The following STS variants were observed in gnomAD, a reference collection of about 807,000 sequenced individuals.
The protein encoded by STS is steryl-sulfatase.
Under a neutral mutation model 26.8 loss-of-function variants are expected in STS, and 7 were observed. The ratio of observed to expected loss-of-function variants is 0.26; its 90% CI spans 0.15 to 0.49. STS has a LOEUF of 0.49. Among genes scored for constraint, STS ranks in the 20% least tolerant of loss-of-function variants. STS has a pLI of 0.98. For missense variants in STS, 434 were observed against 465.6 expected, an observed-to-expected ratio of 0.93 and a Z score of 0.63; for synonymous variants, 199 against 189.4, an observed-to-expected ratio of 1.05 and a Z score of -0.42.
chrX:7,225,347 A>G (rs1221375377), intron 2 of STS, among the ~76,000 whole-genome samples: 5 of 111,470 alleles, frequency 4.5e-5, no homozygotes, highest in Non-Finnish European at 9.4e-5. Flanking sequence ...GCTCATGGCT[A>G]AGATGTATTT....
At chrX:7,301,463 A>G (rs1286864686) in intron 7 of STS, among the ~76,000 whole-genome samples, 2 of 111,204 alleles carry the variant, frequency 1.8e-5, no homozygotes, top group African/African-American at 3.3e-5. Flanking sequence ...GAAAGTAAAG[A>G]GTGTTCATAC....
intron 5 of STS, among the ~76,000 whole-genome samples, chrX:7,257,883 TGATA>T (rs1259874948): frequency 9.0e-6 from 1 of 110,824 alleles, no homozygotes; most frequent in Non-Finnish European, 1.9e-5. Flanking sequence ...TTATACCTAA[TGATA>T]GATGGATGAA....
At chrX:7,267,177 G>T (rs1384494894) in intron 6 of STS, among the ~76,000 whole-genome samples, 1 of 112,066 alleles carries the variant, frequency 8.9e-6, no homozygotes, top group Non-Finnish European at 1.9e-5. Context: ...TCCGAGTGAG[G>T]ATTAGTTGGA....
At chrX:7,348,375 C>G in intron 10 of STS, among the ~76,000 whole-genome samples, 1 of 112,299 alleles carries the variant, frequency 8.9e-6, no homozygotes, top group South Asian at 3.7e-4. Context: ...ATTATATGCA[C>G]AAATGATCGG....
intron 10 of STS, among the ~76,000 whole-genome samples, chrX:7,345,936 C>A (rs1469667072): frequency 8.9e-6 from 1 of 111,997 alleles, no homozygotes; most frequent in African/African-American, 3.2e-5. Context: ...TCGGGGCTTC[C>A]TTGCCAGGGC....
intron 3 of STS, among the ~76,000 whole-genome samples, chrX:7,256,459 A>G (rs1343589572): frequency 8.9e-6 from 1 of 111,827 alleles, no homozygotes; most frequent in Non-Finnish European, 1.9e-5. Flanking sequence ...GTTGAGGCAC[A>G]TGGAGTCTGA....
chrX:7,314,081 G>A (rs1228407481), intron 8 of STS, among the ~76,000 whole-genome samples: 2 of 111,805 alleles, frequency 1.8e-5, no homozygotes, highest in Non-Finnish European at 3.8e-5. Flanking sequence ...GTAGCTGGGC[G>A]CAGTGGCTTA....
intron 2 of STS, among the ~76,000 whole-genome samples, chrX:7,200,125 G>A (rs1292645635): frequency 9.2e-6 from 1 of 108,392 alleles, no homozygotes; most frequent in Non-Finnish European, 1.9e-5. Context: ...CCTCTTGTAT[G>A]AGAATATCTA....
chrX:7,165,770 A>G (rs1933336193), intron 1 of STS, among the ~76,000 whole-genome samples: 1 of 112,389 alleles, frequency 8.9e-6, no homozygotes, highest in Non-Finnish European at 1.9e-5. Context: ...TGTTCTGTCC[A>G]CACTTAGTAG....
At chrX:7,159,374 A>T (rs759874150) in intron 1 of STS, among the ~76,000 whole-genome samples, 1 of 111,872 alleles carries the variant, frequency 8.9e-6, no homozygotes, top group African/African-American at 3.2e-5. Context: ...ACTGTGTTGT[A>T]TGTGTAACTC....
chrX:7,334,041 G>A lies in STS; in HGVS notation c.1297G>A (p.Asp433Asn), dbSNP rs754031823. The change falls in exon 10 of 11, where the codon GAT becomes AAT. Residue 433 changes from aspartate to asparagine, a missense_variant. Physicochemically the swap from Asp to Asn is conservative, Grantham distance 23. Transcript: ENST00000674429. The part of the protein sequence containing the change: ...PLLEGKSQRS[D>N]HEFLFHYCNA... ...GCTTGAAGGAAAAAGCCAACGCTCCGATCATGAGTTTCTCTTCCATTACTG... is the reference window on the plus strand; with the variant it reads ...GCTTGAAGGAAAAAGCCAACGCTCCAATCATGAGTTTCTCTTCCATTACTG... 3.5e-5 allele frequency: 42 copies of A among 1,209,570 alleles called. No homozygotes were observed. Among genetic ancestry groups the A allele is most frequent in the Middle Eastern group, 2.3e-4 (1 of 4,374 alleles).
Position 7,349,576 on chromosome X carries a change from GTCTA to G in STS, c.1364-308_1364-305del, listed in dbSNP as rs1474434932. ...GGTCTCGAACTCCTGACCTCAAGTG[GTCTA>G]TCTGTCTCGGCCTCCCAAAGTTCAT... On this transcript the variant is annotated intron_variant, in intron 10 of 10. Coordinates refer to ENST00000674429, the MANE Select transcript of STS (RefSeq NM_001320752.2). Among the ~76,000 whole-genome samples, 33 of 108,200 alleles carry G rather than the reference GTCTA, an allele frequency of 3.0e-4. 1 individual carries two copies. The East Asian group carries it at 3.8e-3, about 12-fold the overall frequency. 94.0% of individuals were successfully genotyped at this position (108,200 alleles called of 115,157 possible). A position where few individuals can be genotyped will look rare whatever the true frequency, so the allele number is the denominator to read the frequency against.
At chrX:7,228,070 G>C (rs774241320) in intron 2 of STS, among the ~76,000 whole-genome samples, 1 of 112,017 alleles carries the variant, frequency 8.9e-6, no homozygotes, top group South Asian at 3.7e-4. Flanking sequence ...AGGCTGCATA[G>C]TATTCCATTG....
intron 9 of STS, 118 bp from the exon 10 acceptor site, chrX:7,333,868 G>A (rs1412489443): frequency 1.9e-6 from 2 of 1,027,463 alleles, no homozygotes; most frequent in African/African-American, 3.7e-5. Flanking sequence ...ACCCAGGTGG[G>A]GTCAGTCTTC....
intron 9 of STS, among the ~76,000 whole-genome samples, chrX:7,328,378 T>C (rs1927579712): frequency 1.8e-5 from 2 of 111,386 alleles, no homozygotes; most frequent in Non-Finnish European, 3.8e-5. Context: ...CTGAGGCTGA[T>C]GGAGGCCAAT....
At chrX:7,168,780 C>T (rs761698019) in intron 1 of STS, among the ~76,000 whole-genome samples, 1 of 111,618 alleles carries the variant, frequency 9.0e-6, no homozygotes, top group African/African-American at 3.3e-5. Context: ...AGAAGAACAG[C>T]ACAGATGCCT....
At chrX:7,223,165 T>G (rs1490022103) in intron 2 of STS, among the ~76,000 whole-genome samples, 1 of 112,023 alleles carries the variant, frequency 8.9e-6, no homozygotes, top group Non-Finnish European at 1.9e-5. Context: ...GACACTTAGG[T>G]TGATTCCATA....
intron 7 of STS, among the ~76,000 whole-genome samples, chrX:7,287,963 G>A (rs1925216978): frequency 9.1e-6 from 1 of 110,235 alleles, no homozygotes; most frequent in Non-Finnish European, 1.9e-5. Context: ...CATCTATCGG[G>A]TGAAAAATGC....
intron 6 of STS, among the ~76,000 whole-genome samples, chrX:7,272,417 C>T (rs1361328393): frequency 9.0e-6 from 1 of 110,671 alleles, no homozygotes; most frequent in Non-Finnish European, 1.9e-5. Context: ...GCAGAGGAAT[C>T]TCTGCTCTAG....
Sources: gnomAD v4.1 joint callset for allele counts (sites outside exome capture counted in the v4.1 genomes callset) on GRCh38, gnomAD v4.1.1 for gene constraint, MANE v1.5 for transcripts, NCBI Gene and HGNC (gene_info 2026-07-23, HGNC 2026-07-21) for gene names.